ATP8A2: variants seen among roughly 807,000 people sequenced by gnomAD.
The protein encoded by ATP8A2 is ATPase phospholipid transporting 8A2.
Under a neutral mutation model 165.6 loss-of-function variants are expected in ATP8A2, and 100 were observed. That is an observed-to-expected ratio of 0.60 (90% CI 0.51 to 0.71). The LOEUF (loss-of-function observed/expected upper bound fraction) is 0.71, where lower values mean the gene tolerates loss of function less well. ATP8A2 is among the 30% of genes least tolerant of loss of function. The pLI is 0.00. For synonymous variants in ATP8A2, 543 were observed against 548.8 expected, an observed-to-expected ratio of 0.99 and a Z score of 0.15; for missense variants, 1,227 against 1,479.5, an observed-to-expected ratio of 0.83 and a Z score of 2.80.
intron 7 of ATP8A2, among the ~76,000 whole-genome samples, chr13:25,539,267 T>G (rs1391717719): frequency 6.6e-6 from 1 of 152,090 alleles, no homozygotes; most frequent in Non-Finnish European, 1.5e-5. Flanking sequence ...TGGCTAATTT[T>G]TAAAAATTTT....
chr13:25,422,317 A>G (rs754834776), intron 1 of ATP8A2, among the ~76,000 whole-genome samples: 2 of 152,212 alleles, frequency 1.3e-5, no homozygotes, highest in African/African-American at 2.4e-5. Flanking sequence ...GTTTATTTTT[A>G]AAGCATTGAC....
intron 24 of ATP8A2, among the ~76,000 whole-genome samples, chr13:25,632,500 T>C (rs1391704789): frequency 6.6e-6 from 1 of 152,180 alleles, no homozygotes; most frequent in Non-Finnish European, 1.5e-5. Context: ...TCCAAAGGTG[T>C]TTGGGGCTCT....
chr13:25,885,105 CTTTTTTT>C (rs869044168), intron 33 of ATP8A2, among the ~76,000 whole-genome samples: 4 of 88,600 alleles, frequency 4.5e-5, no homozygotes, highest in Non-Finnish European at 6.3e-5. Context: ...TCTCCGCTTG[CTTTTTTT>C]TTTTTTTTTT....
chr13:25,383,319 G>A (rs1302402227), intron 1 of ATP8A2, among the ~76,000 whole-genome samples: 2 of 151,922 alleles, frequency 1.3e-5, no homozygotes, highest in Non-Finnish European at 2.9e-5. Flanking sequence ...TGGCCAGGAT[G>A]GTCTCAATCT....
intron 33 of ATP8A2, among the ~76,000 whole-genome samples, chr13:25,878,837 C>G (rs1471680126): frequency 6.6e-6 from 1 of 152,184 alleles, no homozygotes; most frequent in East Asian, 1.9e-4. Context: ...ACGTCCATCA[C>G]CACTTCCCCA....
At chr13:25,942,692 G>A (rs908167441) in intron 33 of ATP8A2, among the ~76,000 whole-genome samples, 16 of 152,230 alleles carry the variant, frequency 1.1e-4, no homozygotes, top group Non-Finnish European at 1.9e-4. Flanking sequence ...CCGAAGTGCT[G>A]GGATTACAGG....
At chr13:25,724,553 GCCCATTATATACTGA>G (rs1566079609) in intron 25 of ATP8A2, among the ~76,000 whole-genome samples, 1 of 152,206 alleles carries the variant, frequency 6.6e-6, no homozygotes, top group Non-Finnish European at 1.5e-5. Context: ...TGAGCTGAGA[GCCCATTATATACTGA>G]CTGTTTTCAA....
intron 33 of ATP8A2, among the ~76,000 whole-genome samples, chr13:25,937,485 A>G (rs980308604): frequency 2.0e-5 from 3 of 150,252 alleles, no homozygotes; most frequent in Admixed American, 1.3e-4. Flanking sequence ...ATTCTCCACA[A>G]TTAATGGAGA....
At chr13:25,884,348 C>T (rs1953076329) in intron 33 of ATP8A2, among the ~76,000 whole-genome samples, 1 of 152,142 alleles carries the variant, frequency 6.6e-6, no homozygotes, top group Non-Finnish European at 1.5e-5. Flanking sequence ...GTCGGGACCT[C>T]ATTCCCTGCC....
intron 1 of ATP8A2, among the ~76,000 whole-genome samples, chr13:25,374,114 G>A (rs2032528304): frequency 6.6e-6 from 1 of 152,174 alleles, no homozygotes; most frequent in Admixed American, 6.5e-5. Flanking sequence ...TTGAGGTTAG[G>A]GAGATGAGGG....
chr13:25,816,721 T>A (rs188869001), intron 27 of ATP8A2, among the ~76,000 whole-genome samples: 1 of 152,266 alleles, frequency 6.6e-6, no homozygotes, highest in Non-Finnish European at 1.5e-5. Flanking sequence ...AAAATATATA[T>A]ATGTGATTCT....
intron 25 of ATP8A2, among the ~76,000 whole-genome samples, chr13:25,733,220 A>G (rs1343169875): frequency 4.6e-5 from 7 of 152,164 alleles, no homozygotes; most frequent in Non-Finnish European, 7.3e-5. Flanking sequence ...GAAGAATTAT[A>G]TTGTCAAAAA....
chr13:25,772,952 G>A lies in ATP8A2; in HGVS notation c.2569-1897G>A, dbSNP rs150309809. Among the ~76,000 whole-genome samples, 618 of 152,034 alleles carry A rather than the reference G, an allele frequency of 4.1e-3. 4 individuals carry two copies. The highest frequency in any genetic ancestry group is 0.014 in the African/African-American group (588 of 41,452). On this transcript the variant is annotated intron_variant, in intron 26 of 36. Coordinates refer to ENST00000381655, the MANE Select transcript of ATP8A2 (RefSeq NM_016529.6). Reference sequence around the variant, plus strand: ...TTTTTGGATTTTTAGCAGAGACGGCGTTTCACCACGTTGGCCAGACTGGTC... The same window carrying A: ...TTTTTGGATTTTTAGCAGAGACGGCATTTCACCACGTTGGCCAGACTGGTC...
At chr13:25,885,105 CTTT>C (rs869044168) in intron 33 of ATP8A2, among the ~76,000 whole-genome samples, 3 of 88,594 alleles carry the variant, frequency 3.4e-5, no homozygotes, top group African/African-American at 4.5e-5. Flanking sequence ...TCTCCGCTTG[CTTT>C]TTTTTTTTTT....
intron 1 of ATP8A2, among the ~76,000 whole-genome samples, chr13:25,399,571 T>A (rs2033557566): frequency 5.2e-5 from 5 of 95,414 alleles, no homozygotes; most frequent in African/African-American, 1.8e-4. Context: ...GCTAATTTTT[T>A]TTTTGTATTT....
At chr13:25,503,510 A>T (rs2036923218) in intron 2 of ATP8A2, among the ~76,000 whole-genome samples, 1 of 152,118 alleles carries the variant, frequency 6.6e-6, no homozygotes, top group Non-Finnish European at 1.5e-5. Context: ...GGGCATTTGG[A>T]GGATCCAAAT....
chr13:25,424,034 A>C (rs1273713012), intron 1 of ATP8A2, among the ~76,000 whole-genome samples: 1 of 152,152 alleles, frequency 6.6e-6, no homozygotes, highest in Admixed American at 6.6e-5. Flanking sequence ...GAGGGCCATC[A>C]ACAATGTGAA....
intron 27 of ATP8A2, among the ~76,000 whole-genome samples, chr13:25,798,156 A>G (rs1950535091): frequency 6.6e-6 from 1 of 152,222 alleles, no homozygotes; most frequent in Non-Finnish European, 1.5e-5. Context: ...TCTCCTGGTT[A>G]CTAATGGCCA....
intron 27 of ATP8A2, among the ~76,000 whole-genome samples, chr13:25,776,930 A>T (rs1480119704): frequency 8.6e-5 from 13 of 150,874 alleles, no homozygotes; most frequent in African/African-American, 3.2e-4. Context: ...ATCGTCCCCT[A>T]GGGCCCCTTC....
Sources: allele counts gnomAD v4.1 joint callset (sites outside exome capture counted in the v4.1 genomes callset), GRCh38; gene constraint gnomAD v4.1.1; transcripts MANE v1.5; gene names NCBI Gene and HGNC (gene_info 2026-07-23, HGNC 2026-07-21).